The following OTUD7A variants were observed in gnomAD, a reference collection of about 807,000 sequenced individuals.
OTUD7A encodes OTU deubiquitinase 7A, also known as OTU domain-containing protein 7A.
In OTUD7A, 12 loss-of-function variants were observed where a neutral mutation model predicts 65.7. That is an observed-to-expected ratio of 0.18 (90% confidence interval 0.12 to 0.30). The LOEUF is 0.30. Among genes scored for constraint, OTUD7A ranks in the 10% least tolerant of loss-of-function variants. The pLI is 1.00. For missense variants in OTUD7A, 1,148 were observed against 1,304.8 expected (o/e 0.88, Z 1.85); for synonymous variants, 641 against 586.3 (o/e 1.09, Z -1.35).
chr15:31,797,697 C>A (rs185226865), intron 1 of OTUD7A, among the ~76,000 whole-genome samples: 4 of 152,202 alleles, frequency 2.6e-5, no homozygotes, highest in African/African-American at 9.6e-5. Context: ...TAAGCCTGGA[C>A]GCATGCTTAC....
At chr15:31,596,766 T>C (rs1334310852) in intron 3 of OTUD7A, among the ~76,000 whole-genome samples, 2 of 152,206 alleles carry the variant, frequency 1.3e-5, no homozygotes, top group East Asian at 1.9e-4. Flanking sequence ...TGGTAATTCA[T>C]GTATCTTCTT....
At chr15:31,513,443 G>C (rs1566895018) in intron 8 of OTUD7A, among the ~76,000 whole-genome samples, 1 of 152,140 alleles carries the variant, frequency 6.6e-6, no homozygotes, top group East Asian at 1.9e-4. Context: ...TCCCAATAAT[G>C]CCTTTTAGAA....
intron 8 of OTUD7A, among the ~76,000 whole-genome samples, chr15:31,504,897 C>CTT (rs35439992): frequency 0.043 from 6,359 of 148,590 alleles, 420 homozygotes; most frequent in African/African-American, 0.14. Flanking sequence ...CTCAATTTAC[C>CTT]TTTTTTTTTT....
chr15:31,655,739 A>G (rs1566962684), intron 2 of OTUD7A, among the ~76,000 whole-genome samples: 2 of 152,222 alleles, frequency 1.3e-5, no homozygotes, highest in Admixed American at 1.3e-4. Flanking sequence ...GGTCATCACT[A>G]TCTCCAGCAC....
chr15:31,559,481 T>A (rs1709884627), intron 4 of OTUD7A, among the ~76,000 whole-genome samples: 1 of 151,948 alleles, frequency 6.6e-6, no homozygotes, highest in Non-Finnish European at 1.5e-5. Flanking sequence ...ACTGCACACA[T>A]ACGCATACAC....
rs925357517 is a variant in OTUD7A at position 31,557,413 on chromosome 15, T to G, written c.550+1556A>C. The G allele has an allele frequency of 2.0e-5, 3 of 152,260 alleles. No individual in the cohort carries two copies. In the South Asian group the frequency reaches 6.2e-4, roughly 31 times the overall value. The allele number at this position is 152,260 out of a possible 1,614,324, so 9.4% of individuals were successfully genotyped here. A position where few individuals can be genotyped will look rare whatever the true frequency, so the allele number is the denominator to read the frequency against. On this transcript the variant is annotated intron_variant, in intron 5 of 12. Transcript: ENST00000307050. Reference sequence around the variant, plus strand: ...TCCATGCTGCTCTGTATGCAGAGGGTGACCTGCGTGGACCACATCAGTGAG... The same window carrying G: ...TCCATGCTGCTCTGTATGCAGAGGGGGACCTGCGTGGACCACATCAGTGAG...
At chr15:31,837,311 G>A (rs1314857075) in intron 1 of OTUD7A, among the ~76,000 whole-genome samples, 1 of 150,164 alleles carries the variant, frequency 6.7e-6, no homozygotes, top group African/African-American at 2.5e-5. Flanking sequence ...GGTGGATCAT[G>A]AGGTCAAGAG....
chr15:31,564,628 T>C (rs1888807000), intron 4 of OTUD7A, among the ~76,000 whole-genome samples: 1 of 152,064 alleles, frequency 6.6e-6, no homozygotes, highest in Admixed American at 6.5e-5. Flanking sequence ...TAGCAGTAAT[T>C]GCAATGTGAG....
chr15:31,786,488 T>A (rs1895677793), intron 1 of OTUD7A, among the ~76,000 whole-genome samples: 1 of 152,152 alleles, frequency 6.6e-6, no homozygotes, highest in Non-Finnish European at 1.5e-5. Context: ...ACAGGGTGTG[T>A]GCCTGGACAG....
At chr15:31,619,489 C>A (rs1250728993) in intron 3 of OTUD7A, among the ~76,000 whole-genome samples, 1 of 152,092 alleles carries the variant, frequency 6.6e-6, no homozygotes, top group Non-Finnish European at 1.5e-5. Context: ...TCCTTCACAT[C>A]CCTTGTAAGT....
intron 1 of OTUD7A, among the ~76,000 whole-genome samples, chr15:31,725,094 C>T (rs1893847021): frequency 6.6e-6 from 1 of 152,100 alleles, no homozygotes; most frequent in Non-Finnish European, 1.5e-5. Flanking sequence ...CCCAGAGCCC[C>T]CCACATGACT....
intron 3 of OTUD7A, among the ~76,000 whole-genome samples, chr15:31,595,577 CT>C (rs1435602643): frequency 6.6e-6 from 1 of 152,204 alleles, no homozygotes; most frequent in Non-Finnish European, 1.5e-5. Context: ...CAGCCAATCC[CT>C]CTGGCATCAT....
At chr15:31,646,396 C>T (rs1363799719) in intron 3 of OTUD7A, among the ~76,000 whole-genome samples, 2 of 151,956 alleles carry the variant, frequency 1.3e-5, no homozygotes, top group African/African-American at 2.4e-5. Flanking sequence ...AAGTGTCTTT[C>T]TTTCTCTCTT....
chr15:31,767,168 G>A, intron 1 of OTUD7A: 2 of 1,262,554 alleles, frequency 1.6e-6, no homozygotes, highest in Admixed American at 1.8e-5. Flanking sequence ...CAGTTGATTT[G>A]AAGGAACTCA....
At chr15:31,646,503 C>G (rs56676783) in intron 3 of OTUD7A, among the ~76,000 whole-genome samples, 5,076 of 150,124 alleles carry the variant, frequency 0.034, 133 homozygotes, top group Admixed American at 0.063. Context: ...CTCTGTTGCC[C>G]AGGCTGGAGT....
intron 1 of OTUD7A, among the ~76,000 whole-genome samples, chr15:31,803,840 C>A (rs1035605265): frequency 2.7e-4 from 41 of 152,200 alleles, no homozygotes; most frequent in African/African-American, 9.7e-4. Context: ...GGAGGCCCCA[C>A]CCACAAGTGC....
At chr15:31,769,337 T>A (rs1208992133) in intron 1 of OTUD7A, among the ~76,000 whole-genome samples, 1 of 152,194 alleles carries the variant, frequency 6.6e-6, no homozygotes, top group African/African-American at 2.4e-5. Context: ...CAATCCCAAA[T>A]GTGTATGCAC....
At chr15:31,564,610 T>A (rs1467260820) in intron 4 of OTUD7A, among the ~76,000 whole-genome samples, 3 of 152,082 alleles carry the variant, frequency 2.0e-5, no homozygotes, top group Admixed American at 6.5e-5. Flanking sequence ...ATAATGATTT[T>A]AATAGAATAG....
intron 1 of OTUD7A, among the ~76,000 whole-genome samples, chr15:31,664,668 C>T (rs35012161): frequency 3.3e-5 from 5 of 152,136 alleles, no homozygotes; most frequent in African/African-American, 1.2e-4. Flanking sequence ...TTAATTAAGT[C>T]CCAGCTATTT....
Sources: allele counts gnomAD v4.1 joint callset (sites outside exome capture counted in the v4.1 genomes callset), GRCh38; gene constraint gnomAD v4.1.1; transcripts MANE v1.5; gene names NCBI Gene and HGNC (gene_info 2026-07-23, HGNC 2026-07-21).